The following ADGRG6 variants were observed in gnomAD, a reference collection of about 807,000 sequenced individuals.
ADGRG6 encodes the protein G-protein coupled receptor 126.
A neutral mutation model predicts 142.4 loss-of-function variants in ADGRG6; 84 were observed. The ratio of observed to expected loss-of-function variants is 0.59; its 90% CI spans 0.49 to 0.71. ADGRG6 has a LOEUF of 0.71. Among genes scored for constraint, ADGRG6 ranks in the 30% least tolerant of loss-of-function variants. The probability of loss-of-function intolerance (pLI) is 0.00; values close to 1 mark genes in which losing one functional copy is unlikely to be tolerated. For synonymous variants in ADGRG6, 521 were observed against 520.5 expected, an observed-to-expected ratio of 1.00 and a Z score of -0.01; for missense variants, 1,367 against 1,466.6, an observed-to-expected ratio of 0.93 and a Z score of 1.11.
Position 142,316,656 on chromosome 6 carries a change from G to A in ADGRG6, c.103+7012G>A, listed in dbSNP as rs565556013. ...ATGTACAATTGATACTGGCCCCTAT[G>A]AGTATAAAGAATAGTTTAGCTGTAT... On this transcript the variant is annotated intron_variant, in intron 2 of 24. Coordinates refer to ENST00000367609, the MANE Select transcript of ADGRG6 (RefSeq NM_198569.3). Among the ~76,000 whole-genome samples the A allele has an allele frequency of 1.7e-4, 26 of 152,240 alleles. No individual in the cohort carries two copies. The South Asian group carries it at 5.2e-3, about 30-fold the overall frequency.
intron 9 of ADGRG6, among the ~76,000 whole-genome samples, chr6:142,397,364 A>G (rs1175001681): frequency 6.6e-6 from 1 of 152,074 alleles, no homozygotes; most frequent in Non-Finnish European, 1.5e-5. Context: ...ATATTAAAAT[A>G]TTTCTGAAAA....
At chr6:142,431,743 T>C (rs2115165163) in intron 22 of ADGRG6, among the ~76,000 whole-genome samples, 1 of 151,982 alleles carries the variant, frequency 6.6e-6, no homozygotes, top group East Asian at 1.9e-4. Flanking sequence ...GCAAATATGG[T>C]GAAGCCCCGC....
intron 2 of ADGRG6, among the ~76,000 whole-genome samples, chr6:142,357,070 G>T (rs1028842320): frequency 2.0e-5 from 3 of 152,102 alleles, no homozygotes; most frequent in Non-Finnish European, 4.4e-5. Context: ...TTCTAGTTTA[G>T]TTTCATAATA....
chr6:142,416,556 T>C (rs1776367978), intron 20 of ADGRG6, among the ~76,000 whole-genome samples: 1 of 152,184 alleles, frequency 6.6e-6, no homozygotes, highest in African/African-American at 2.4e-5. Context: ...CAGTCAGACA[T>C]AGGTGGTTGT....
intron 9 of ADGRG6, among the ~76,000 whole-genome samples, chr6:142,396,689 T>G (rs940129895): frequency 2.0e-5 from 3 of 152,214 alleles, no homozygotes; most frequent in African/African-American, 7.2e-5. Context: ...CGTCTTATCT[T>G]ATTCATTTCT....
chr6:142,445,940 T>C lies in ADGRG6; in HGVS notation c.*2425T>C, dbSNP rs1777953192. The C allele has an allele frequency of 6.6e-6, 1 of 152,310 alleles. No homozygotes were observed. Among genetic ancestry groups the C allele is most frequent in the Non-Finnish European group, 1.5e-5 (1 of 68,036 alleles). 9.4% of individuals were successfully genotyped at this position (152,310 alleles called of 1,614,324 possible). Reference sequence around the variant, plus strand: ...TCACCATTCACTTGCATTGTAAAGATTTTCTTTGTCTGTTGTTGGCATAGA... The same window carrying C: ...TCACCATTCACTTGCATTGTAAAGACTTTCTTTGTCTGTTGTTGGCATAGA... On this transcript the variant is annotated 3_prime_UTR_variant, in exon 25 of 25. Transcript: ENST00000367609.
intron 4 of ADGRG6, among the ~76,000 whole-genome samples, chr6:142,376,011 A>T (rs949188519): frequency 6.6e-6 from 1 of 152,184 alleles, no homozygotes; most frequent in African/African-American, 2.4e-5. Flanking sequence ...GCAGATTTTT[A>T]AAAACATGGT....
At chr6:142,411,434 C>A in intron 18 of ADGRG6, 23 bp downstream of exon 18, 1 of 1,141,972 alleles carries the variant, frequency 8.8e-7, no homozygotes, top group South Asian at 1.2e-5. Context: ...TTTCTAAGCT[C>A]ATTTTGACAT....
chr6:142,362,119 G>T (rs1780755387), intron 2 of ADGRG6, among the ~76,000 whole-genome samples: 1 of 152,192 alleles, frequency 6.6e-6, no homozygotes, highest in African/African-American at 2.4e-5. Context: ...ATGTGTTTGA[G>T]GGTGTGGTGC....
intron 19 of ADGRG6, 146 bp from the exon 20 acceptor site, chr6:142,415,650 C>T (rs1776310051): frequency 1.7e-6 from 1 of 596,792 alleles, no homozygotes; most frequent in Non-Finnish European, 2.9e-6. Flanking sequence ...TATCCTTAGC[C>T]CCTCCTTTTA....
At chr6:142,332,128 A>G (rs1354680523) in intron 2 of ADGRG6, among the ~76,000 whole-genome samples, 1 of 152,190 alleles carries the variant, frequency 6.6e-6, no homozygotes, top group Admixed American at 6.5e-5. Flanking sequence ...AGTAGATGGA[A>G]TGGGATTTAA....
chr6:142,420,377 A>G (rs1776603365), intron 22 of ADGRG6, among the ~76,000 whole-genome samples: 1 of 152,170 alleles, frequency 6.6e-6, no homozygotes, highest in South Asian at 2.1e-4. Flanking sequence ...ATATTATTTC[A>G]TGAATGAATA....
At chr6:142,439,860 A>T (rs1777659352) in intron 24 of ADGRG6, among the ~76,000 whole-genome samples, 1 of 152,240 alleles carries the variant, frequency 6.6e-6, no homozygotes, top group Admixed American at 6.5e-5. Context: ...AAGATAGATT[A>T]TTCTACTTAT....
intron 4 of ADGRG6, among the ~76,000 whole-genome samples, chr6:142,371,314 C>T (rs1781241876): frequency 6.6e-6 from 1 of 151,632 alleles, no homozygotes; most frequent in African/African-American, 2.4e-5. Context: ...AGGCGTGCAC[C>T]ACCACACCCA....
At chr6:142,390,837 A>G (rs1396438316) in intron 7 of ADGRG6, among the ~76,000 whole-genome samples, 1 of 151,864 alleles carries the variant, frequency 6.6e-6, no homozygotes, top group African/African-American at 2.4e-5. Context: ...TTCTTTGTGC[A>G]CATGAAAGAA....
Position 142,400,564 on chromosome 6 carries a change from A to G in ADGRG6, c.1647A>G (p.Pro549=). ...CTTCTGAATACGTTCTTCCTTGTCCAGACAAGCCTGGCTTTTCTGCTTCTC... is the reference window on the plus strand; with the variant it reads ...CTTCTGAATACGTTCTTCCTTGTCCGGACAAGCCTGGCTTTTCTGCTTCTC... The part of the protein sequence containing the change: ...IQPSEYVLPC[P]DKPGFSASRI... The change falls in exon 11 of 25, where the codon CCA becomes CCG. Residue 549 remains proline, a synonymous_variant. Transcript: ENST00000367609. 4.4e-6 allele frequency: 7 copies of G among 1,602,608 alleles called. No individual in the cohort carries two copies. The highest frequency in any genetic ancestry group is 3.4e-6 in the Non-Finnish European group (4 of 1,170,112).
At chr6:142,394,985 A>G (rs1361799876) in intron 9 of ADGRG6, among the ~76,000 whole-genome samples, 1 of 152,188 alleles carries the variant, frequency 6.6e-6, no homozygotes, top group African/African-American at 2.4e-5. Flanking sequence ...TTATGGATAT[A>G]CAGCCCTGAT....
chr6:142,397,077 T>A (rs1775235888), intron 9 of ADGRG6, among the ~76,000 whole-genome samples: 1 of 151,470 alleles, frequency 6.6e-6, no homozygotes, highest in African/African-American at 2.4e-5. Context: ...TATTTGCAAA[T>A]GCCTCATGGA....
intron 2 of ADGRG6, among the ~76,000 whole-genome samples, chr6:142,313,573 A>G (rs1197277418): frequency 1.3e-5 from 2 of 152,168 alleles, no homozygotes; most frequent in Non-Finnish European, 2.9e-5. Context: ...ATCAACAGCT[A>G]CCAGGGGAAA....
Sources: gnomAD v4.1 joint callset for allele counts (sites outside exome capture counted in the v4.1 genomes callset) on GRCh38, gnomAD v4.1.1 for gene constraint, MANE v1.5 for transcripts, NCBI Gene and HGNC (gene_info 2026-07-23, HGNC 2026-07-21) for gene names.